Variants in RBM34 observed in about 807,000 individuals in gnomAD.
The protein encoded by RBM34 is RNA binding motif protein 34, also known as RNA-binding protein 34.
A neutral mutation model predicts 44.6 loss-of-function variants in RBM34; 39 were observed. The ratio of observed to expected loss-of-function variants is 0.87; its 90% CI spans 0.68 to 1.14. RBM34 has a LOEUF of 1.14. Ranked by LOEUF, RBM34 falls within the 50% of genes most tolerant of loss-of-function variation. RBM34 has a pLI of 0.00. For missense variants in RBM34, 572 were observed against 517.9 expected, an observed-to-expected ratio of 1.10 and a Z score of -1.01; for synonymous variants, 194 against 184.0, an observed-to-expected ratio of 1.05 and a Z score of -0.44.
Position 235,148,457 on chromosome 1 carries a change from G to GAA in RBM34, c.658-12_658-11dup. The GAA allele has an allele frequency of 1.8e-5, 26 of 1,437,708 alleles. No individual in the cohort carries two copies. Among genetic ancestry groups the GAA allele is most frequent in the Admixed American group, 4.4e-5 (2 of 45,436 alleles). The allele number at this position is 1,437,708 out of a possible 1,614,324, so 89.1% of individuals were successfully genotyped here. ...TTCCCTCTGCTGGAATCTTTCAAGA[G>GAA]AAAAAAAAAAGTATTAAAGACAGTA... On this transcript the variant is annotated splice_polypyrimidine_tract_variant and intron_variant, in intron 5 of 10. Transcript: ENST00000408888.
chr1:235,155,962 C>G (rs1240853634), intron 3 of RBM34, among the ~76,000 whole-genome samples: 1 of 146,440 alleles, frequency 6.8e-6, no homozygotes, highest in Non-Finnish European at 1.5e-5. Flanking sequence ...CTCCGCCTCT[C>G]TGGTTCACAA....
chr1:235,132,635 C>T (rs1007907965), intron 10 of RBM34, among the ~76,000 whole-genome samples: 2 of 152,060 alleles, frequency 1.3e-5, no homozygotes, highest in Non-Finnish European at 2.9e-5. Flanking sequence ...AACGAATAAA[C>T]CTCCTTCGTA....
At position 235,154,543 on chromosome 1, in the gene RBM34, G is replaced by C. The variant is rs1185676311; in HGVS notation, c.597+338C>G. 3.3e-5 allele frequency among the ~76,000 whole-genome samples: 5 copies of C among 152,188 alleles called. No individual in the cohort carries two copies. In the South Asian group the frequency reaches 1.0e-3, roughly 32 times the overall value. The stretch of plus-strand genomic sequence containing the variant: ...CATGCCACTACACTCCAGCCTAGGT[G>C]ACAGTGAGAACCTGTCCTGAAAAAG... On this transcript the variant is annotated intron_variant, in intron 4 of 10. Coordinates refer to ENST00000408888, the MANE Select transcript of RBM34 (RefSeq NM_015014.4).
chr1:235,137,368 G>A (rs1393207390), intron 8 of RBM34, among the ~76,000 whole-genome samples: 1 of 152,092 alleles, frequency 6.6e-6, no homozygotes, highest in Non-Finnish European at 1.5e-5. Context: ...TATTTGAAGA[G>A]GACTATGTTT....
At chr1:235,155,866 T>TATATATATATATATAC (rs1484124143) in intron 3 of RBM34, among the ~76,000 whole-genome samples, 2 of 34,302 alleles carry the variant, frequency 5.8e-5, no homozygotes, top group Admixed American at 3.7e-4. Context: ...TATATATATA[T>TATATATATATATATAC]ACATATATAC....
Position 235,131,749 on chromosome 1 carries a change from T to C in RBM34, c.1257A>G (p.Lys419=). The part of the protein sequence containing the change: ...LLKTKKKGQK[K]SGRPKKQRKQ... Reference sequence around the variant, plus strand: ...TTCTCTGTTTCTTAGGGCGTCCACTTTTCTTCTGTCCTTTCTTCTTCGTTT... The same window carrying C: ...TTCTCTGTTTCTTAGGGCGTCCACTCTTCTTCTGTCCTTTCTTCTTCGTTT... The change falls in exon 11 of 11, where the codon AAA becomes AAG. Residue 419 remains lysine (K), a synonymous_variant. Coordinates refer to ENST00000408888, the MANE Select transcript of RBM34 (RefSeq NM_015014.4). The C allele has an allele frequency of 6.2e-7, 1 of 1,604,614 alleles. No individual in the cohort carries two copies. The highest frequency in any genetic ancestry group is 1.3e-5 in the African/African-American group (1 of 74,164).
chr1:235,151,460 T>C (rs569636389), intron 5 of RBM34, among the ~76,000 whole-genome samples: 41 of 152,288 alleles, frequency 2.7e-4, no homozygotes, highest in African/African-American at 9.6e-4. Context: ...TGACAGAAAT[T>C]ATGGGCACTG....
In RBM34 at chr1:235,131,688, G is replaced by A. The variant is rs921938300; in HGVS notation, c.*25C>T. The A allele has an allele frequency of 6.4e-7, 1 of 1,570,822 alleles. No homozygotes were observed. The highest frequency in any genetic ancestry group is 8.6e-7 in the Non-Finnish European group (1 of 1,163,494). ...CACTTTTATTAGCAGTACTCAGCAG[G>A]AAAAGAAAAAGCAGTTCCTGGTTGT... On this transcript the variant is annotated 3_prime_UTR_variant, in exon 11 of 11. Coordinates refer to ENST00000408888, the MANE Select transcript of RBM34 (RefSeq NM_015014.4).
At chr1:235,152,930 G>A (rs1662226554) in intron 4 of RBM34, among the ~76,000 whole-genome samples, 165 bp from the exon 5 acceptor site, 1 of 146,924 alleles carries the variant, frequency 6.8e-6, no homozygotes, top group South Asian at 2.1e-4. Context: ...GTGCAGTGGT[G>A]TGATCTCAGC....
At chr1:235,159,629 G>C (rs534378460) in intron 3 of RBM34, among the ~76,000 whole-genome samples, 22 of 151,748 alleles carry the variant, frequency 1.4e-4, no homozygotes, top group African/African-American at 7.3e-5. Flanking sequence ...CTGCACTTTA[G>C]GAGGCTGAGG....
At chr1:235,142,277 A>G (rs2102837482) in intron 6 of RBM34, among the ~76,000 whole-genome samples, 1 of 147,950 alleles carries the variant, frequency 6.8e-6, no homozygotes, top group South Asian at 2.1e-4. Flanking sequence ...CTGACAAGCA[A>G]TAGCACTTTT....
At chr1:235,150,800 G>A (rs943409123) in intron 5 of RBM34, among the ~76,000 whole-genome samples, 3 of 152,180 alleles carry the variant, frequency 2.0e-5, no homozygotes, top group Non-Finnish European at 4.4e-5. Context: ...AGTGTACTAA[G>A]TACTGTAATG....
intron 10 of RBM34, among the ~76,000 whole-genome samples, chr1:235,133,112 C>T (rs778090969): frequency 1.3e-5 from 2 of 152,110 alleles, no homozygotes; most frequent in Non-Finnish European, 2.9e-5. Context: ...GAGGCCAAGG[C>T]GGATAGATCA....
chr1:235,132,456 G>A (rs1037688177), intron 10 of RBM34, among the ~76,000 whole-genome samples: 2 of 152,076 alleles, frequency 1.3e-5, no homozygotes, highest in East Asian at 1.9e-4. Flanking sequence ...TTACAGGCGC[G>A]GGCCAACATA....
intron 8 of RBM34, 125 bp downstream of exon 8, chr1:235,137,752 C>T (rs538337925): frequency 4.4e-5 from 30 of 684,930 alleles, no homozygotes; most frequent in Non-Finnish European, 6.4e-5. Flanking sequence ...CCACAGAGGA[C>T]ATAGGCTGTT....
intron 6 of RBM34, among the ~76,000 whole-genome samples, chr1:235,144,395 G>A (rs1661815670): frequency 1.3e-5 from 2 of 151,478 alleles, no homozygotes; most frequent in African/African-American, 4.9e-5. Context: ...AAAGTGTTTG[G>A]TATCTGGACT....
intron 10 of RBM34, 147 bp from the exon 11 acceptor site, chr1:235,132,144 C>T (rs902748511): frequency 5.8e-6 from 4 of 688,442 alleles, no homozygotes; most frequent in Admixed American, 3.1e-5. Flanking sequence ...CTGCTGCACT[C>T]GAAGTCTCCT....
At chr1:235,149,279 C>A (rs1449925890) in intron 5 of RBM34, among the ~76,000 whole-genome samples, 1 of 151,196 alleles carries the variant, frequency 6.6e-6, no homozygotes, top group Non-Finnish European at 1.5e-5. Flanking sequence ...GTCCCAGCTA[C>A]TCAGGAGGCT....
chr1:235,161,223 C>T lies in RBM34; in HGVS notation c.4G>A (p.Ala2Thr). The T allele has an allele frequency of 1.2e-6, 2 of 1,613,280 alleles. No homozygotes were observed. ...TTCCGTTTGCTCATCCCTTCCAAGG[C>T]CATTCTTACTCCAAAGACTCCCAGA... is the stretch of plus-strand genomic sequence containing the variant. The part of the protein sequence containing the change: M[A>T]LEGMSKRKRK... Residue 2 changes from alanine (A) to threonine (T), a missense_variant, in exon 1 of 11, where the codon GCC becomes ACC. By Grantham distance (58) the Ala-to-Thr change is moderately conservative. Transcript: ENST00000408888.
Sources: allele counts gnomAD v4.1 joint callset (sites outside exome capture counted in the v4.1 genomes callset), GRCh38; gene constraint gnomAD v4.1.1; transcripts MANE v1.5; gene names NCBI Gene and HGNC (gene_info 2026-07-23, HGNC 2026-07-21).